The following BCOR variants were observed in gnomAD, a reference collection of about 807,000 sequenced individuals.
BCOR encodes the protein BCL6 corepressor, also known as BCL-6 corepressor.
A neutral mutation model predicts 86.7 loss-of-function variants in BCOR; 10 were observed. That is an observed-to-expected ratio of 0.12 (90% CI 0.07 to 0.20). The LOEUF is 0.20. Among genes scored for constraint, BCOR ranks in the 10% least tolerant of loss-of-function variants. The pLI, the probability that BCOR is intolerant of heterozygous loss-of-function variation, is 1.00. For synonymous variants in BCOR, 611 were observed against 609.0 expected (o/e 1.00, Z -0.05); for missense variants, 1,259 against 1,452.1 (o/e 0.87, Z 2.16).
rs756608150 is a variant in BCOR, at chrX:40,073,475, G to A, written c.1871C>T (p.Pro624Leu). ...GCCGTTCTCGTTTGCTTTGAAACTC[G>A]GTTCTGGGTTGCTGGCTTTGGCGCC... ...SKGAKASNPEPSFKANENGLP... is the reference protein window; with the variant it reads ...SKGAKASNPELSFKANENGLP... The change falls in exon 4 of 15, where the codon CCG (proline) becomes CTG (leucine). Residue 624 changes from proline to leucine, a missense_variant. Pro to Leu is a moderately conservative substitution (Grantham distance 98). Coordinates refer to ENST00000378444, the MANE Select transcript of BCOR (RefSeq NM_001123385.2). 2.1e-5 allele frequency: 26 copies of A among 1,212,378 alleles called. No homozygotes were observed. The highest frequency in any genetic ancestry group is 3.5e-5 in the South Asian group (2 of 57,055).
chrX:40,110,771 C>T (rs1424088019), intron 1 of BCOR, among the ~76,000 whole-genome samples: 4 of 82,951 alleles, frequency 4.8e-5, no homozygotes, highest in Non-Finnish European at 6.7e-5. Context: ...AGTGCAATGG[C>T]ATGATCTTGG....
At chrX:40,064,718 T>G in intron 6 of BCOR, 119 bp from the exon 7 acceptor site, 1 of 818,979 alleles carries the variant, frequency 1.2e-6, no homozygotes, top group South Asian at 2.4e-5. Flanking sequence ...CAGCTGCTTC[T>G]TTGGAGACTG....
rs377693413 is a variant in BCOR at position 40,077,866 on chromosome X, T to G, written c.64A>C (p.Met22Leu). 17 of 1,210,848 alleles carry G rather than the reference T, an allele frequency of 1.4e-5. No homozygotes were observed. Among genetic ancestry groups the G allele is most frequent in the Non-Finnish European group, 1.9e-5 (17 of 895,259 alleles). Residue 22 changes from methionine (M) to leucine (L), a missense_variant, in exon 2 of 15, where the codon ATG becomes CTG. This residue lies in a region of BCOR where 174 missense variants were observed against 189.3 expected (regional missense o/e 0.92). Transcript: ENST00000378444. ...HSWMNSERVR[M>L]CGASEDRKIL... ...CACCTGTCTTCGCTCGCCCCACACATGCGGACCCTCTCGCTGTTCATCCAG... is the reference window on the plus strand; with the variant it reads ...CACCTGTCTTCGCTCGCCCCACACAGGCGGACCCTCTCGCTGTTCATCCAG...
intron 1 of BCOR, among the ~76,000 whole-genome samples, chrX:40,116,618 A>C (rs1311509767): frequency 8.9e-6 from 1 of 112,027 alleles, no homozygotes; most frequent in Admixed American, 9.5e-5. Context: ...CCATTCCCAA[A>C]GCCCAGACTT....
chrX:40,158,231 T>C (rs769184229), intron 1 of BCOR, among the ~76,000 whole-genome samples: 14 of 112,016 alleles, frequency 1.2e-4, no homozygotes, highest in Non-Finnish European at 2.6e-4. Flanking sequence ...TCCCCGTGGG[T>C]AAAGGAGGAG....
At chrX:40,055,643 G>C in intron 11 of BCOR, 130 bp from the exon 12 acceptor site, 1 of 735,438 alleles carries the variant, frequency 1.4e-6, no homozygotes, top group South Asian at 2.4e-5. Context: ...CCTAAGCACA[G>C]TATTTCATCC....
intron 1 of BCOR, among the ~76,000 whole-genome samples, chrX:40,139,367 A>AAT (rs751360179): frequency 9.9e-5 from 5 of 50,586 alleles, no homozygotes; most frequent in South Asian, 1.2e-3. Flanking sequence ...TAAAATTTAA[A>AAT]ATATATATAT....
chrX:40,145,982 G>A (rs924071807), intron 1 of BCOR, among the ~76,000 whole-genome samples: 3 of 111,716 alleles, frequency 2.7e-5, no homozygotes, highest in African/African-American at 9.8e-5. Flanking sequence ...GGACGCGGCG[G>A]CGGAGAGGCG....
chrX:40,087,497 C>T (rs1448025808), intron 1 of BCOR, among the ~76,000 whole-genome samples: 2 of 112,362 alleles, frequency 1.8e-5, no homozygotes, highest in African/African-American at 6.5e-5. Flanking sequence ...CACCAATAAC[C>T]GATGGGCAGA....
chrX:40,106,329 CGAG>C (rs1437712986), intron 1 of BCOR, among the ~76,000 whole-genome samples: 1 of 112,327 alleles, frequency 8.9e-6, no homozygotes, highest in Non-Finnish European at 1.9e-5. Context: ...AGCGCTGCAG[CGAG>C]GAGGATGATT....
intron 1 of BCOR, among the ~76,000 whole-genome samples, chrX:40,107,837 T>A (rs1326004503): frequency 8.8e-6 from 1 of 113,372 alleles, no homozygotes; most frequent in Non-Finnish European, 1.9e-5. Flanking sequence ...GCCTGCGAGA[T>A]CTATTTGTGT....
chrX:40,056,071 C>T (rs1934576970), intron 11 of BCOR, among the ~76,000 whole-genome samples: 1 of 109,752 alleles, frequency 9.1e-6, no homozygotes, highest in Admixed American at 9.8e-5. Flanking sequence ...CCTCCTGCCT[C>T]GGCCTCCAAA....
Position 40,073,652 on chromosome X carries a change from C to T in BCOR, c.1694G>A (p.Gly565Asp). ...TNVSGSVSSA[G>D]RPASASPAPN... ...GGCGGGTGATGCGGAGGCTGGGCGG[C>T]CTGCACTCGACACTGACCCTGAAAC... The change falls in exon 4 of 15, where the codon GGC becomes GAC. Residue 565 changes from glycine (G) to aspartate (D), a missense_variant. Physicochemically the swap from Gly to Asp is moderately conservative, Grantham distance 94. This residue lies in a region of BCOR where 534 missense variants were observed against 594.8 expected (regional missense o/e 0.90). Transcript: ENST00000378444. The T allele has an allele frequency of 8.2e-7, 1 of 1,212,382 alleles. No homozygotes were observed. Among genetic ancestry groups the T allele is most frequent in the Non-Finnish European group, 1.1e-6 (1 of 895,662 alleles).
intron 8 of BCOR, 144 bp from the exon 9 acceptor site, chrX:40,063,215 A>C: frequency 4.3e-6 from 2 of 461,599 alleles, no homozygotes; most frequent in South Asian, 7.4e-5. Flanking sequence ...AAGATACACC[A>C]ATTATGTTTT....
chrX:40,105,353 T>A, intron 1 of BCOR, among the ~76,000 whole-genome samples: 1 of 111,626 alleles, frequency 9.0e-6, no homozygotes, highest in Non-Finnish European at 1.9e-5. Context: ...GCCGCCGCAG[T>A]CACGGGGACC....
intron 1 of BCOR, among the ~76,000 whole-genome samples, chrX:40,151,429 A>T (rs1323925756): frequency 8.8e-6 from 1 of 113,162 alleles, no homozygotes; most frequent in Non-Finnish European, 1.9e-5. Context: ...GGTGTAAGAC[A>T]GGGAGGACCA....
intron 1 of BCOR, among the ~76,000 whole-genome samples, chrX:40,115,768 C>G (rs1355885302): frequency 4.2e-5 from 4 of 95,410 alleles, no homozygotes; most frequent in Non-Finnish European, 8.3e-5. Flanking sequence ...CAGAGTGTGA[C>G]TGTGTCTCAA....
At chrX:40,105,870 C>T (rs1451422978) in intron 1 of BCOR, among the ~76,000 whole-genome samples, 1 of 112,906 alleles carries the variant, frequency 8.9e-6, no homozygotes, top group Non-Finnish European at 1.9e-5. Context: ...GATCCGGCTT[C>T]TGGCCTGAAG....
upstream of BCOR, among the ~76,000 whole-genome samples, chrX:40,101,318 T>A (rs2147784275): frequency 9.0e-6 from 1 of 111,307 alleles, no homozygotes; most frequent in African/African-American, 3.3e-5. Context: ...CAGGCTGCTA[T>A]ACCCAGCACT....
Sources: allele counts gnomAD v4.1 joint callset (sites outside exome capture counted in the v4.1 genomes callset), GRCh38; gene constraint gnomAD v4.1.1; regional missense constraint gnomAD v4.1.1; transcripts MANE v1.5; gene names NCBI Gene and HGNC (gene_info 2026-07-23, HGNC 2026-07-21).